Variants in FHIP1B observed in about 807,000 individuals in gnomAD.
FHIP1B encodes FHF complex subunit HOOK-interacting protein 1B.
FHIP1B carries 28 observed loss-of-function variants against 82.2 expected under a neutral mutation model. The ratio of observed to expected loss-of-function variants is 0.34; its 90% CI spans 0.25 to 0.47. The LOEUF is 0.47. Ranked by LOEUF, FHIP1B falls within the 20% of genes least tolerant of loss-of-function variation. The pLI is 1.00. For missense variants in FHIP1B, 1,110 were observed against 1,262.6 expected (o/e 0.88, Z 1.83); for synonymous variants, 585 against 516.1 (o/e 1.13, Z -1.81).
In FHIP1B at chr11:6,228,105, T is replaced by C. The variant is rs866947997; in HGVS notation, c.-191-3398A>G. Among the ~76,000 whole-genome samples, 10 of 152,294 alleles carry C rather than the reference T, an allele frequency of 6.6e-5. No individual in the cohort carries two copies. In the South Asian group the frequency reaches 2.1e-3, roughly 32 times the overall value. On this transcript the variant is annotated intron_variant, in intron 1 of 11. Coordinates refer to ENST00000449352, the MANE Select transcript of FHIP1B (RefSeq NM_001098794.2). ...GCTCATGCCTGTAATCCCAGCACTT[T>C]GGGAGGCCAAGGCAGGTAGATCACT...
At position 6,223,715 on chromosome 11, in the gene FHIP1B, G is replaced by T. The variant is rs745404251; in HGVS notation, c.672C>A (p.Gly224=). ...CATCACGGGCCTGCTGGCCCAGGGTGCCCTCTCGATGCACAAAAGGGACAA... is the reference window on the plus strand; with the variant it reads ...CATCACGGGCCTGCTGGCCCAGGGTTCCCTCTCGATGCACAAAAGGGACAA... ...SRLVPFVHRE[G]TLGQQARDAL... The change falls in exon 3 of 12, where the codon GGC becomes GGA. Residue 224 remains glycine (G), a synonymous_variant. Coordinates refer to ENST00000449352, the MANE Select transcript of FHIP1B (RefSeq NM_001098794.2). This position sits in a 1 kb window ranked among gnomAD's most constrained non-coding sequence, Gnocchi z 4.8. 1.1e-5 allele frequency: 17 copies of T among 1,614,234 alleles called. No individual in the cohort carries two copies. Among genetic ancestry groups the T allele is most frequent in the Non-Finnish European group, 1.4e-5 (17 of 1,180,030 alleles).
At chr11:6,222,780 C>T (rs762253757) in intron 5 of FHIP1B, 31 bp downstream of exon 5, 4 of 1,608,600 alleles carry the variant, frequency 2.5e-6, no homozygotes. Context: ...CAGCTTAGCC[C>T]CTTATATGCC....
At chr11:6,214,596 A>C (rs1423572733) in intron 10 of FHIP1B, 23 bp from the exon 11 acceptor site, 9 of 1,600,154 alleles carry the variant, frequency 5.6e-6, no homozygotes, top group Non-Finnish European at 7.7e-6. Context: ...CCTTCGTGAC[A>C]TTTCTGAGCA....
Position 6,211,835 on chromosome 11 carries a change from G to T in FHIP1B, c.2590C>A (p.Leu864Ile). 6.3e-7 allele frequency: 1 copy of T among 1,592,764 alleles called. No individual in the cohort carries two copies. ...KSRRPSLGEL[L>I]LRHAHSPTRA... The stretch of plus-strand genomic sequence containing the variant: ...GTTGGACTGTGTGCATGCCGCAGGA[G>T]TAACTCCCCCAAGGATGGCCTCCGG... The change falls in exon 12 of 12, where the codon CTC becomes ATC. Residue 864 changes from leucine (L) to isoleucine (I), a missense_variant. By Grantham distance (5) the Leu-to-Ile change is conservative. Transcript: ENST00000449352.
chr11:6,217,122 C>T (rs1847250667), intron 9 of FHIP1B: 1 of 703,136 alleles, frequency 1.4e-6, no homozygotes, highest in Non-Finnish European at 2.6e-6. Context: ...GGAACATGCA[C>T]ATAGGACATA....
In FHIP1B at chr11:6,217,813, C is replaced by A. The variant is rs1454744448; in HGVS notation, c.1773G>T (p.Arg591=). 1 of 1,612,384 alleles carries A rather than the reference C, an allele frequency of 6.2e-7. No homozygotes were observed. Among genetic ancestry groups the A allele is most frequent in the African/African-American group, 1.3e-5 (1 of 74,872 alleles). Residue 591 remains arginine (R), a synonymous_variant, in exon 9 of 12, where the codon CGG becomes CGT. Coordinates refer to ENST00000449352, the MANE Select transcript of FHIP1B (RefSeq NM_001098794.2). The part of the protein sequence containing the change: ...PSPEPSPFGS[R]TKKRSLLPEE... ...CAGGCAGTAGGCTGCGTTTCTTAGTCCGGGAGCCAAAAGGACTGGGCTCAG... is the reference window on the plus strand; with the variant it reads ...CAGGCAGTAGGCTGCGTTTCTTAGTACGGGAGCCAAAAGGACTGGGCTCAG...
At chr11:6,227,851 C>T (rs574799006) in intron 1 of FHIP1B, among the ~76,000 whole-genome samples, 133 of 152,208 alleles carry the variant, frequency 8.7e-4, no homozygotes, top group African/African-American at 2.8e-3. Context: ...CAAGAAATAA[C>T]GATGATCTAG....
In FHIP1B at chr11:6,223,888, G is replaced by T. The variant is rs775290220; in HGVS notation, c.499C>A (p.Pro167Thr). The T allele has an allele frequency of 6.2e-7, 1 of 1,614,218 alleles. No homozygotes were observed. Among genetic ancestry groups the T allele is most frequent in the South Asian group, 1.1e-5 (1 of 91,088 alleles). ...CCTTCATCCAGTGCTGGGCTACTGG[G>T]CACAGGGCGGCCACAGGCATCCAGC... is the stretch of plus-strand genomic sequence containing the variant. ...TLLDACGRPVPSSPALDEGLV... is the reference protein window; with the variant it reads ...TLLDACGRPVTSSPALDEGLV... The change falls in exon 3 of 12, where the codon CCC (proline) becomes ACC (threonine). Residue 167 changes from proline (P) to threonine (T), a missense_variant. Around this residue, in one of 6 missense-constraint regions of FHIP1B, gnomAD observed 467 missense variants for 602.9 expected, o/e 0.77. Coordinates refer to ENST00000449352, the MANE Select transcript of FHIP1B (RefSeq NM_001098794.2). The surrounding 1 kb of genome is among the most constrained non-coding windows in gnomAD (Gnocchi z 4.8).
chr11:6,212,820 T>C (rs534242748), intron 11 of FHIP1B, among the ~76,000 whole-genome samples: 57 of 152,354 alleles, frequency 3.7e-4, no homozygotes, highest in African/African-American at 1.3e-3. Flanking sequence ...ACCTTGCTTT[T>C]GCATCCACAT....
intron 9 of FHIP1B, 159 bp downstream of exon 9, chr11:6,217,212 A>ATGACATGACACGT (rs758757107): frequency 1.4e-6 from 1 of 730,194 alleles, no homozygotes. Flanking sequence ...GGACACAAGT[A>ATGACATGACACGT]TGACATGACA....
chr11:6,234,390 G>T (rs866257307), intron 1 of FHIP1B, among the ~76,000 whole-genome samples, 154 bp downstream of exon 1: 9 of 151,968 alleles, frequency 5.9e-5, no homozygotes, highest in African/African-American at 2.2e-4. Context: ...TCACCTGTAA[G>T]CTCTCACCCT....
intron 6 of FHIP1B, among the ~76,000 whole-genome samples, chr11:6,221,153 A>C (rs542181042): frequency 3.3e-5 from 5 of 152,320 alleles, no homozygotes; most frequent in Admixed American, 2.6e-4. Flanking sequence ...ACACTGGTTT[A>C]ATCAGTCAGT....
At position 6,217,236 on chromosome 11, in the gene FHIP1B, G is replaced by A. The variant is rs1165035685; in HGVS notation, c.2215+135C>T. The A allele has an allele frequency of 3.9e-6, 3 of 777,316 alleles. No homozygotes were observed. The East Asian group carries it at 7.9e-5, about 20-fold the overall frequency. The allele number at this position is 777,316 out of a possible 1,614,324, so 48.2% of individuals were successfully genotyped here. ...TATGACATGACACGTATCTGGAAGT[G>A]ATGCAAGCAGGATGGATGAGGGGCT... On this transcript the variant is annotated intron_variant, in intron 9 of 11. Transcript: ENST00000449352.
intron 11 of FHIP1B, among the ~76,000 whole-genome samples, chr11:6,212,823 A>C (rs1847110254): frequency 6.6e-6 from 1 of 152,156 alleles, no homozygotes. Context: ...TTGCTTTTGC[A>C]TCCACATCTA....
At chr11:6,225,584 C>T (rs887352636) in intron 1 of FHIP1B, among the ~76,000 whole-genome samples, 1 of 152,146 alleles carries the variant, frequency 6.6e-6, no homozygotes, top group Non-Finnish European at 1.5e-5. Context: ...TCCCCAGGGC[C>T]TAGGGACTCA....
At chr11:6,222,061 C>T (rs972385945) in intron 6 of FHIP1B, among the ~76,000 whole-genome samples, 9 of 152,306 alleles carry the variant, frequency 5.9e-5, no homozygotes, top group African/African-American at 2.2e-4. Context: ...CCTGGATCAC[C>T]TACCAAAGCA....
rs775580477 is a variant in FHIP1B, at chr11:6,218,027, G to A, written c.1559C>T (p.Ala520Val). Reference protein sequence around the residue: ...SLGGSESPGPAPCSPGLSASP... With the variant: ...SLGGSESPGPVPCSPGLSASP... The stretch of plus-strand genomic sequence containing the variant: ...TGCAGAAAGCCCTGGTGAGCAAGGG[G>A]CTGGGCCTGGAGACTCAGAGCCACC... Residue 520 changes from alanine (A) to valine (V), a missense_variant, in exon 9 of 12, where the codon GCC becomes GTC. Coordinates refer to ENST00000449352, the MANE Select transcript of FHIP1B (RefSeq NM_001098794.2). 5.6e-6 allele frequency: 9 copies of A among 1,613,522 alleles called. No homozygotes were observed. In the South Asian group the frequency reaches 9.9e-5, roughly 18 times the overall value.
intron 1 of FHIP1B, among the ~76,000 whole-genome samples, chr11:6,227,560 A>C (rs1847594849): frequency 6.6e-6 from 1 of 152,248 alleles, no homozygotes; most frequent in African/African-American, 2.4e-5. Flanking sequence ...GAACATGTTA[A>C]GTTTTGAGAC....
chr11:6,220,587 C>T (rs1564863836), intron 6 of FHIP1B, among the ~76,000 whole-genome samples: 1 of 152,074 alleles, frequency 6.6e-6, no homozygotes, highest in African/African-American at 2.4e-5. Flanking sequence ...CTTGAAAGGA[C>T]CACAGTGGAA....
Sources: gnomAD v4.1 joint callset for allele counts (sites outside exome capture counted in the v4.1 genomes callset) on GRCh38, gnomAD v4.1.1 for gene constraint, gnomAD v4.1.1 regional missense constraint, Gnocchi (gnomAD v3.1) non-coding constraint, MANE v1.5 for transcripts, NCBI Gene and HGNC (gene_info 2026-07-23, HGNC 2026-07-21) for gene names.